The following GLIS3 variants were observed in gnomAD, a reference collection of about 807,000 sequenced individuals.
GLIS3 encodes GLIS family zinc finger 3.
Under a neutral mutation model 78.6 loss-of-function variants are expected in GLIS3, and 53 were observed. The ratio of observed to expected loss-of-function variants is 0.67; its 90% CI spans 0.54 to 0.85. GLIS3 has a LOEUF of 0.85. Ranked by LOEUF, GLIS3 falls within the 40% of genes least tolerant of loss-of-function variation. The pLI is 0.00. For synonymous variants in GLIS3, 684 were observed against 509.9 expected, an observed-to-expected ratio of 1.34 and a Z score of -4.60; for missense variants, 1,703 against 1,231.1, an observed-to-expected ratio of 1.38 and a Z score of -5.74.
chr9:4,396,463 A>G, the GLIS3 span, among the ~76,000 whole-genome samples: 1 of 152,148 alleles, frequency 6.6e-6, no homozygotes, highest in Non-Finnish European at 1.5e-5. Flanking sequence ...CAAACATTTC[A>G]TCATCCTCTA....
At chr9:4,397,206 T>C in the GLIS3 span, among the ~76,000 whole-genome samples, 15 of 142,092 alleles carry the variant, frequency 1.1e-4, no homozygotes, top group Admixed American at 2.1e-4. Flanking sequence ...TTTGTATTTT[T>C]AGTAGAGACG....
At chr9:3,946,248 G>A (rs1816289504) in intron 4 of GLIS3, among the ~76,000 whole-genome samples, 1 of 152,228 alleles carries the variant, frequency 6.6e-6, no homozygotes. Context: ...AAGGTACTGA[G>A]TCTTATTAAT....
At chr9:4,274,353 T>C (rs762200224) in intron 2 of GLIS3, among the ~76,000 whole-genome samples, 5 of 152,252 alleles carry the variant, frequency 3.3e-5, no homozygotes, top group Non-Finnish European at 5.9e-5. Context: ...CTTGTTGGGG[T>C]GTTTTTTCAT....
At chr9:4,303,469 C>G (rs1249299327), upstream of GLIS3, among the ~76,000 whole-genome samples, 5 of 152,276 alleles carry the variant, frequency 3.3e-5, no homozygotes, top group East Asian at 1.9e-4. Context: ...ACTAAGAAAA[C>G]TTAAGCTGAT....
intron 2 of GLIS3, among the ~76,000 whole-genome samples, chr9:4,226,671 C>G (rs1027500124): frequency 1.3e-5 from 2 of 152,210 alleles, no homozygotes; most frequent in Admixed American, 6.5e-5. Context: ...AAAGCCAAGT[C>G]TCCTTAGCTG....
intron 4 of GLIS3, among the ~76,000 whole-genome samples, chr9:4,043,719 T>C (rs905175914): frequency 4.6e-5 from 7 of 152,202 alleles, no homozygotes; most frequent in African/African-American, 1.7e-4. Context: ...CAGAAAGATC[T>C]GTTTTCACAC....
At chr9:4,342,759 A>T (rs1341134616) in intron 2 of GLIS3, among the ~76,000 whole-genome samples, 1 of 152,098 alleles carries the variant, frequency 6.6e-6, no homozygotes. Context: ...TGTTTGTGTC[A>T]TCTCTGATTT....
intron 4 of GLIS3, among the ~76,000 whole-genome samples, chr9:3,942,805 C>T (rs1816022743): frequency 6.6e-6 from 1 of 152,126 alleles, no homozygotes; most frequent in South Asian, 2.1e-4. Context: ...ATACTTTGAG[C>T]AGCAACATTC....
At chr9:3,974,584 G>C (rs996046282) in intron 4 of GLIS3, among the ~76,000 whole-genome samples, 92 of 152,244 alleles carry the variant, frequency 6.0e-4, no homozygotes, top group Non-Finnish European at 3.7e-4. Context: ...ATTTGTGCCC[G>C]CAGAAAAACC....
rs549891025 is a variant in GLIS3, at chr9:4,199,144, A to C, written c.389-73203T>G. ...AGATAGCCCACAAATCCTATAAAGC[A>C]ATCACCCAATAGAAACTACAAAGCA... On this transcript the variant is annotated intron_variant, in intron 2 of 10. Coordinates refer to ENST00000381971, the MANE Select transcript of GLIS3 (RefSeq NM_001042413.2). Among the ~76,000 whole-genome samples the C allele has an allele frequency of 4.6e-5, 7 of 152,316 alleles. No homozygotes were observed. In the South Asian group the frequency reaches 8.3e-4, roughly 18 times the overall value.
Position 4,005,237 on chromosome 9 carries a change from T to A in GLIS3, c.1711-68048A>T, listed in dbSNP as rs376313489. ...AGGGCAGGCAATTTGGCAATGCTTA[T>A]CAAAATTTGAAATGTGCATACTCTT... On this transcript the variant is annotated intron_variant, in intron 4 of 10. Transcript: ENST00000381971. Among the ~76,000 whole-genome samples the A allele has an allele frequency of 6.0e-4, 91 of 152,348 alleles. No homozygotes were observed. The South Asian group carries it at 0.018, about 30-fold the overall frequency.
chr9:4,257,510 A>ATTTCTTTCTTTTGGTTTGCTTTTTTGT (rs1825077596), intron 2 of GLIS3, among the ~76,000 whole-genome samples: 1 of 152,214 alleles, frequency 6.6e-6, no homozygotes, highest in Non-Finnish European at 1.5e-5. Context: ...AAAGAAAGAA[A>ATTTCTTTCTTTTGGTTTGCTTTTTTGT]GGTAACTATA....
At chr9:4,105,743 C>T (rs927082152) in intron 4 of GLIS3, among the ~76,000 whole-genome samples, 2 of 152,146 alleles carry the variant, frequency 1.3e-5, no homozygotes, top group African/African-American at 2.4e-5. Context: ...TGATTTCTCC[C>T]TTATTCAGAT....
At chr9:4,101,076 A>G (rs1212227348) in intron 4 of GLIS3, among the ~76,000 whole-genome samples, 2 of 152,212 alleles carry the variant, frequency 1.3e-5, no homozygotes, top group East Asian at 1.9e-4. Context: ...GTGGAACAGA[A>G]AAAAGTACTG....
chr9:4,083,175 A>G (rs965811572), intron 4 of GLIS3, among the ~76,000 whole-genome samples: 1 of 152,196 alleles, frequency 6.6e-6, no homozygotes, highest in Admixed American at 6.5e-5. Context: ...TTTCATCCAC[A>G]ATTTGGTTCA....
At chr9:4,194,312 G>A (rs1489549559) in intron 2 of GLIS3, among the ~76,000 whole-genome samples, 1 of 152,036 alleles carries the variant, frequency 6.6e-6, no homozygotes, top group Non-Finnish European at 1.5e-5. Flanking sequence ...TGCCCACTTT[G>A]GCCTCCCAAA....
the GLIS3 span, among the ~76,000 whole-genome samples, chr9:4,432,972 G>C: frequency 6.6e-6 from 1 of 152,100 alleles, no homozygotes; most frequent in Admixed American, 6.6e-5. Context: ...TTCTAACACA[G>C]GGTAAGCAAT....
chr9:4,450,286 G>C, the GLIS3 span, among the ~76,000 whole-genome samples: 3 of 151,998 alleles, frequency 2.0e-5, no homozygotes, highest in South Asian at 6.2e-4. Context: ...AGTGAGAGGA[G>C]AAGTTTAGAG....
the GLIS3 span, among the ~76,000 whole-genome samples, chr9:4,473,466 A>AAAAAAAAAAAAAAAAAAG: frequency 1.4e-3 from 186 of 135,332 alleles, 1 homozygote; most frequent in Non-Finnish European, 2.2e-3. Context: ...ACAACAAAAA[A>AAAAAAAAAAAAAAAAAAG]AAAGGATCAT....
Sources: gnomAD v4.1 joint callset for allele counts (sites outside exome capture counted in the v4.1 genomes callset) on GRCh38, gnomAD v4.1.1 for gene constraint, MANE v1.5 for transcripts, NCBI Gene and HGNC (gene_info 2026-07-23, HGNC 2026-07-21) for gene names.